Variants in MYO9A observed in about 807,000 individuals in gnomAD.
The protein encoded by MYO9A is myosin IXA, also known as unconventional myosin-IXa.
In MYO9A, 103 loss-of-function variants were observed where a neutral mutation model predicts 293.3. The observed-to-expected ratio is 0.35, with a 90% CI of 0.30 to 0.41. The LOEUF is 0.41. Ranked by LOEUF, MYO9A falls within the 10% of genes least tolerant of loss-of-function variation. MYO9A has a pLI of 1.00. For missense variants in MYO9A, 2,685 were observed against 3,033.0 expected, an observed-to-expected ratio of 0.89 and a Z score of 2.69; for synonymous variants, 1,001 against 1,035.7, an observed-to-expected ratio of 0.97 and a Z score of 0.64.
At chr15:71,831,542 A>G (rs996420315) in intron 39 of MYO9A, among the ~76,000 whole-genome samples, 12 of 152,198 alleles carry the variant, frequency 7.9e-5, no homozygotes, top group African/African-American at 2.9e-4. Context: ...ATAAGAGTAA[A>G]CTGAAATTAT....
Position 71,888,048 on chromosome 15 carries a change from A to T in MYO9A, c.5211T>A (p.Ile1737=). 1 of 1,611,134 alleles carries T rather than the reference A, an allele frequency of 6.2e-7. No homozygotes were observed. Among genetic ancestry groups the T allele is most frequent in the Non-Finnish European group, 8.5e-7 (1 of 1,178,250 alleles). Residue 1737 remains isoleucine (I), a synonymous_variant, in exon 27 of 42, where the codon ATT becomes ATA. Transcript: ENST00000356056. ...CCTTCTGTCTCACTGCCAACTTGGT[A>T]ATCTCTCCTTGAGACATAGTCTTAT... ...KLHKTMSQGE[I]TKLAVRQKAS... is the part of the protein sequence containing the mutation.
At chr15:72,012,992 C>T (rs929536434) in intron 6 of MYO9A, among the ~76,000 whole-genome samples, 1 of 152,190 alleles carries the variant, frequency 6.6e-6, no homozygotes. Context: ...ATTTCCTTCT[C>T]TGTTTCTCTG....
intron 32 of MYO9A, among the ~76,000 whole-genome samples, chr15:71,866,043 G>C (rs1245009694): frequency 6.6e-6 from 1 of 152,134 alleles, no homozygotes; most frequent in Admixed American, 6.5e-5. Flanking sequence ...ATGAGTGTGT[G>C]ACTGTAAAAA....
At chr15:72,057,646 G>A (rs533203496) in intron 1 of MYO9A, among the ~76,000 whole-genome samples, 2 of 152,324 alleles carry the variant, frequency 1.3e-5, no homozygotes, top group Middle Eastern at 3.4e-3. Context: ...TGCTGCAACT[G>A]TCGGAAAAGA....
chr15:72,060,381 CT>C (rs1419369404), intron 1 of MYO9A, among the ~76,000 whole-genome samples: 4 of 151,134 alleles, frequency 2.6e-5, no homozygotes, highest in Non-Finnish European at 5.9e-5. Context: ...TAAATCTAGT[CT>C]TATTAGAAAA....
At chr15:72,098,617 T>C (rs1014024001) in intron 1 of MYO9A, among the ~76,000 whole-genome samples, 31 of 152,256 alleles carry the variant, frequency 2.0e-4, no homozygotes, top group African/African-American at 7.0e-4. Context: ...ATTAGAGAGC[T>C]ATCTATTCAG....
intron 1 of MYO9A, among the ~76,000 whole-genome samples, chr15:72,060,537 T>G (rs372359897): frequency 2.0e-5 from 3 of 152,246 alleles, no homozygotes; most frequent in South Asian, 2.1e-4. Flanking sequence ...GTGGGAGAGA[T>G]AGCACAGAGA....
At chr15:71,929,154 G>T (rs1307703696) in intron 18 of MYO9A, among the ~76,000 whole-genome samples, 5 of 151,830 alleles carry the variant, frequency 3.3e-5, no homozygotes, top group African/African-American at 9.7e-5. Flanking sequence ...AGTACATTAC[G>T]GAATTTATAT....
At chr15:71,919,952 A>C (rs1375934453) in intron 18 of MYO9A, among the ~76,000 whole-genome samples, 1 of 152,148 alleles carries the variant, frequency 6.6e-6, no homozygotes, top group African/African-American at 2.4e-5. Flanking sequence ...CTGGTCAATC[A>C]ACAAATGTTC....
chr15:71,886,484 T>C (rs1433272069), intron 27 of MYO9A, among the ~76,000 whole-genome samples: 1 of 152,094 alleles, frequency 6.6e-6, no homozygotes, highest in African/African-American at 2.4e-5. Context: ...GTTCCAAATA[T>C]GTGCCCCAGC....
chr15:71,924,924 A>G (rs919696988), intron 18 of MYO9A, among the ~76,000 whole-genome samples: 1 of 152,016 alleles, frequency 6.6e-6, no homozygotes, highest in African/African-American at 2.4e-5. Context: ...GTCTCAAAAA[A>G]AAAAGAAAAA....
At chr15:71,832,325 G>A (rs1172537886) in intron 39 of MYO9A, among the ~76,000 whole-genome samples, 1 of 152,032 alleles carries the variant, frequency 6.6e-6, no homozygotes, top group East Asian at 1.9e-4. Context: ...TTTTTTAAAA[G>A]CAGTTAAAGA....
At chr15:72,097,733 C>A (rs747722020) in intron 1 of MYO9A, among the ~76,000 whole-genome samples, 1 of 152,042 alleles carries the variant, frequency 6.6e-6, no homozygotes, top group Non-Finnish European at 1.5e-5. Flanking sequence ...CATGGTGTAA[C>A]CCCATGTCTC....
intron 14 of MYO9A, among the ~76,000 whole-genome samples, chr15:71,956,330 A>AAAAAAAAAATATATATATATATATATAT (rs10642655): frequency 5.3e-5 from 4 of 75,580 alleles, no homozygotes; most frequent in African/African-American, 2.4e-4. Context: ...AAAAAAAAAA[A>AAAAAAAAAATATATATATATATATATAT]ATATATATAT....
At chr15:71,851,155 T>C in intron 37 of MYO9A, 98 bp downstream of exon 37, 1 of 917,870 alleles carries the variant, frequency 1.1e-6, no homozygotes, top group Non-Finnish European at 1.6e-6. Flanking sequence ...GAAGAAAAAA[T>C]AAATACCTGT....
chr15:71,856,480 T>A (rs1159802025), intron 34 of MYO9A, among the ~76,000 whole-genome samples: 3 of 151,480 alleles, frequency 2.0e-5, no homozygotes, highest in Admixed American at 6.6e-5. Flanking sequence ...TCAACCTTAG[T>A]GTTGGAAAGC....
intron 1 of MYO9A, among the ~76,000 whole-genome samples, chr15:72,108,007 ATAAC>A (rs1260816409): frequency 2.0e-5 from 3 of 152,226 alleles, no homozygotes; most frequent in African/African-American, 7.2e-5. Flanking sequence ...TAACTGAAGA[ATAAC>A]TAATAAATGA....
At chr15:71,954,924 A>G (rs1228614319) in intron 14 of MYO9A, among the ~76,000 whole-genome samples, 1 of 152,216 alleles carries the variant, frequency 6.6e-6, no homozygotes, top group African/African-American at 2.4e-5. Flanking sequence ...TTTAAAAGCC[A>G]TATTTCACAA....
intron 1 of MYO9A, among the ~76,000 whole-genome samples, chr15:72,050,782 T>C (rs185136777): frequency 6.6e-6 from 1 of 152,302 alleles, no homozygotes; most frequent in African/African-American, 2.4e-5. Context: ...ACTCACTTTC[T>C]ACTCCCTTAC....
Sources: gnomAD v4.1 joint callset for allele counts (sites outside exome capture counted in the v4.1 genomes callset) on GRCh38, gnomAD v4.1.1 for gene constraint, MANE v1.5 for transcripts, NCBI Gene and HGNC (gene_info 2026-07-23, HGNC 2026-07-21) for gene names.